Variants in PIWIL4 observed in about 807,000 individuals in gnomAD.
The protein encoded by PIWIL4 is piwi-like protein 4.
PIWIL4 carries 50 observed loss-of-function variants against 100.9 expected under a neutral mutation model. That is an observed-to-expected ratio of 0.50 (90% CI 0.39 to 0.63). PIWIL4 has a LOEUF of 0.63. PIWIL4 is among the 20% of genes least tolerant of loss of function. The pLI is 0.00. For missense variants in PIWIL4, 887 were observed against 1,043.3 expected, an observed-to-expected ratio of 0.85 and a Z score of 2.06; for synonymous variants, 342 against 367.5, an observed-to-expected ratio of 0.93 and a Z score of 0.79.
chr11:94,577,558 C>T, intron 4 of PIWIL4, 66 bp downstream of exon 4: 6 of 1,240,396 alleles, frequency 4.8e-6, no homozygotes, highest in Non-Finnish European at 6.7e-6. Context: ...TATACACACA[C>T]ACATATATAT....
At chr11:94,594,011 A>G (rs1003971095) in intron 9 of PIWIL4, among the ~76,000 whole-genome samples, 8 of 152,164 alleles carry the variant, frequency 5.3e-5, no homozygotes, top group Non-Finnish European at 1.2e-4. Context: ...TTCAGAATAT[A>G]ATCCTCATTA....
intron 12 of PIWIL4, among the ~76,000 whole-genome samples, chr11:94,602,439 T>C (rs1400139488): frequency 2.0e-5 from 3 of 152,236 alleles, no homozygotes; most frequent in Non-Finnish European, 4.4e-5. Context: ...CTGATTCTGT[T>C]ACTGTAGCAT....
Position 94,619,791 on chromosome 11 carries a change from A to G in PIWIL4, c.2200A>G (p.Lys734Glu), listed in dbSNP as rs747027544. 2 of 1,614,156 alleles carry G rather than the reference A, an allele frequency of 1.2e-6. No homozygotes were observed. Among genetic ancestry groups the G allele is most frequent in the Non-Finnish European group, 1.7e-6 (2 of 1,180,018 alleles). The change falls in exon 18 of 20, where the codon AAG (lysine) becomes GAG (glutamate). Residue 734 changes from lysine (K) to glutamate (E), a missense_variant. Around this residue, in one of 2 missense-constraint regions of PIWIL4, gnomAD observed 741 missense variants for 930.0 expected, o/e 0.80. Coordinates refer to ENST00000299001, the MANE Select transcript of PIWIL4 (RefSeq NM_152431.3). ...SRLSVIVVRK[K>E]CMPRFFTEMN... ...ACTGTCGGTGATTGTGGTCAGGAAG[A>G]AGTGCATGCCACGATTCTTTACCGA... is the stretch of plus-strand genomic sequence containing the variant.
chr11:94,567,659 G>A, intron 1 of PIWIL4, 54 bp downstream of exon 1: 1 of 1,494,556 alleles, frequency 6.7e-7, no homozygotes, highest in Middle Eastern at 1.8e-4. Flanking sequence ...TCTGTCTCTA[G>A]CCTGAACAAT....
chr11:94,617,839 T>A (rs1351336736), intron 16 of PIWIL4, 115 bp from the exon 17 acceptor site: 1 of 1,100,514 alleles, frequency 9.1e-7, no homozygotes, highest in Non-Finnish European at 1.4e-6. Flanking sequence ...TGTATTGCCC[T>A]ATTTTACAGT....
At chr11:94,610,957 G>A (rs755564295) in intron 15 of PIWIL4, among the ~76,000 whole-genome samples, 1 of 152,042 alleles carries the variant, frequency 6.6e-6, no homozygotes, top group Non-Finnish European at 1.5e-5. Context: ...ATTTGTATAT[G>A]GTATAAGGGT....
intron 10 of PIWIL4, among the ~76,000 whole-genome samples, chr11:94,597,334 C>T (rs766094139): frequency 9.2e-5 from 14 of 152,172 alleles, no homozygotes; most frequent in African/African-American, 1.7e-4. Flanking sequence ...TCCTTATTAA[C>T]GAGTGTGTTA....
At chr11:94,599,271 G>A (rs1948603026) in intron 11 of PIWIL4, among the ~76,000 whole-genome samples, 1 of 152,090 alleles carries the variant, frequency 6.6e-6, no homozygotes, top group Non-Finnish European at 1.5e-5. Flanking sequence ...TCATTTTTAT[G>A]TATTTGTTTG....
intron 8 of PIWIL4, among the ~76,000 whole-genome samples, chr11:94,592,375 G>A (rs1324646278): frequency 1.3e-5 from 2 of 152,190 alleles, no homozygotes; most frequent in Non-Finnish European, 2.9e-5. Flanking sequence ...TGTAGATAAT[G>A]TATTGATGCA....
intron 7 of PIWIL4, 130 bp downstream of exon 7, chr11:94,587,377 C>T: frequency 9.8e-7 from 1 of 1,022,908 alleles, no homozygotes; most frequent in Non-Finnish European, 1.4e-6. Context: ...TTTAGAAGAC[C>T]TGGTTGTTTT....
rs750985248 is a variant in PIWIL4 at position 94,577,454 on chromosome 11, G to A, written c.475G>A (p.Gly159Ser). Residue 159 changes from glycine to serine, a missense_variant, in exon 4 of 20, where the codon GGT (glycine) becomes AGT (serine). Coordinates refer to ENST00000299001, the MANE Select transcript of PIWIL4 (RefSeq NM_152431.3). ...TTCCAACAAAGCAAAAGCATTCGAC[G>A]GTGCCATCCTTTTTCTGTCACAAAA... ...ELSNKAKAFDGAILFLSQKLE... is the reference protein window; with the variant it reads ...ELSNKAKAFDSAILFLSQKLE... 6.2e-6 allele frequency: 10 copies of A among 1,613,538 alleles called. No individual in the cohort carries two copies. The highest frequency in any genetic ancestry group is 3.3e-5 in the South Asian group (3 of 91,028).
Position 94,597,825 on chromosome 11 carries a change from A to G in PIWIL4, c.1290A>G (p.Glu430=), listed in dbSNP as rs757458633. 7 of 1,613,644 alleles carry G rather than the reference A, an allele frequency of 4.3e-6. No individual in the cohort carries two copies. Among genetic ancestry groups the G allele is most frequent in the Non-Finnish European group, 5.9e-6 (7 of 1,179,720 alleles). ...ACAGGAATACCAATGCTCGCTTTGA[A>G]CTAGAGACCTGGGGACTGCATTTTG... ...NIQRNTNARF[E]LETWGLHFGS... is the part of the protein sequence containing the mutation. The change falls in exon 11 of 20, where the codon GAA becomes GAG. Residue 430 remains glutamate, a synonymous_variant. Coordinates refer to ENST00000299001, the MANE Select transcript of PIWIL4 (RefSeq NM_152431.3).
At chr11:94,590,857 C>G (rs918827425) in intron 8 of PIWIL4, among the ~76,000 whole-genome samples, 1 of 152,150 alleles carries the variant, frequency 6.6e-6, no homozygotes, top group Admixed American at 6.5e-5. Context: ...TCACTGTGAT[C>G]CCTCACCCTC....
In PIWIL4 at chr11:94,604,065, A is replaced by C. The variant is rs1447819552; in HGVS notation, c.1638+9A>C. On this transcript the variant is annotated intron_variant, in intron 13 of 19. Transcript: ENST00000299001. ...ATCCTGATGTTCAGCTGGTAAGTAC[A>C]GGATACTTTTTGAACTCCTTTAATC... The C allele has an allele frequency of 6.4e-7, 1 of 1,572,720 alleles. No homozygotes were observed. The highest frequency in any genetic ancestry group is 8.7e-7 in the Non-Finnish European group (1 of 1,149,586).
At chr11:94,606,883 A>G (rs1206424529) in intron 13 of PIWIL4, among the ~76,000 whole-genome samples, 1 of 150,498 alleles carries the variant, frequency 6.6e-6, no homozygotes, top group Non-Finnish European at 1.5e-5. Flanking sequence ...TCCACCCCCC[A>G]CTCATATCCA....
chr11:94,583,315 A>G (rs1311975058), intron 4 of PIWIL4, 133 bp from the exon 5 acceptor site: 10 of 959,836 alleles, frequency 1.0e-5, no homozygotes, highest in Non-Finnish European at 1.6e-5. Flanking sequence ...TGTGATGATT[A>G]GATTATTACT....
rs1182891245 is a variant in PIWIL4, at chr11:94,585,453, A to G, written c.644A>G (p.Lys215Arg). 2 of 1,608,812 alleles carry G rather than the reference A, an allele frequency of 1.2e-6. No individual in the cohort carries two copies. Among genetic ancestry groups the G allele is most frequent in the African/African-American group, 2.7e-5 (2 of 74,678 alleles). ...AAAAAATATACTTGCAGGATCCTCA[A>G]AAAGTTGTCCATGTACCAAATTGGA... ...VFNIIFRKIL[K>R]KLSMYQIGRN... Residue 215 changes from lysine (K) to arginine (R), a missense_variant, in exon 6 of 20, where the codon AAA (lysine) becomes AGA (arginine). By Grantham distance (26) the Lys-to-Arg change is conservative. Around this residue, in one of 2 missense-constraint regions of PIWIL4, gnomAD observed 741 missense variants for 930.0 expected, o/e 0.80. Transcript: ENST00000299001.
At chr11:94,593,855 T>C (rs932181143) in intron 9 of PIWIL4, among the ~76,000 whole-genome samples, 8 of 152,178 alleles carry the variant, frequency 5.3e-5, no homozygotes, top group Non-Finnish European at 1.0e-4. Context: ...TGATGTAAAA[T>C]AGACCCCCTG....
At position 94,619,894 on chromosome 11, in the gene PIWIL4, C is replaced by G. The variant is rs776230128; in HGVS notation, c.2294+9C>G. ...GCAACACGTAACGAATGGCAAGTGC[C>G]GCTGGAAAATCAATTTTTAACAAAA... On this transcript the variant is annotated intron_variant, in intron 18 of 19. Transcript: ENST00000299001. 5 of 1,614,044 alleles carry G rather than the reference C, an allele frequency of 3.1e-6. No homozygotes were observed. The highest frequency in any genetic ancestry group is 3.4e-6 in the Non-Finnish European group (4 of 1,180,038).
Sources: allele counts gnomAD v4.1 joint callset (sites outside exome capture counted in the v4.1 genomes callset), GRCh38; gene constraint gnomAD v4.1.1; regional missense constraint gnomAD v4.1.1; transcripts MANE v1.5; gene names NCBI Gene and HGNC (gene_info 2026-07-23, HGNC 2026-07-21).